CMYA5: variants seen among roughly 807,000 people sequenced by gnomAD.
The protein encoded by CMYA5 is cardiomyopathy-associated protein 5.
A neutral mutation model predicts 318.9 loss-of-function variants in CMYA5; 246 were observed. That is an observed-to-expected ratio of 0.77 (90% CI 0.70 to 0.86). The LOEUF is 0.86. CMYA5 is among the 40% of genes least tolerant of loss of function. The pLI is 0.00. For missense variants in CMYA5, 4,589 were observed against 4,678.2 expected, an observed-to-expected ratio of 0.98 and a Z score of 0.56; for synonymous variants, 1,641 against 1,729.5, an observed-to-expected ratio of 0.95 and a Z score of 1.27.
At chr5:79,695,408 G>A (rs1827048509) in intron 1 of CMYA5, among the ~76,000 whole-genome samples, 1 of 152,226 alleles carries the variant, frequency 6.6e-6, no homozygotes, top group East Asian at 1.9e-4. Context: ...TGTAATCAGT[G>A]TAAAACTTAT....
chr5:79,733,919 C>T lies in CMYA5; in HGVS notation c.5154C>T (p.Pro1718=). 6.2e-7 allele frequency: 1 copy of T among 1,613,134 alleles called. No individual in the cohort carries two copies. The highest frequency in any genetic ancestry group is 1.3e-5 in the African/African-American group (1 of 74,972). ...SQNEEIKPFS[P]KIISLESKEP... is the part of the protein sequence containing the mutation. ...ATGAAGAAATTAAACCTTTCTCTCC[C>T]AAGATCATCAGCCTAGAGTCGAAAG... The change falls in exon 2 of 13, where the codon CCC becomes CCT. Residue 1718 remains proline, a synonymous_variant. Coordinates refer to ENST00000446378, the MANE Select transcript of CMYA5 (RefSeq NM_153610.5).
At chr5:79,725,599 CT>C (rs1371852027) in intron 1 of CMYA5, among the ~76,000 whole-genome samples, 1 of 152,138 alleles carries the variant, frequency 6.6e-6, no homozygotes, top group African/African-American at 2.4e-5. Flanking sequence ...CATGTTCCCC[CT>C]GGATCTAAAA....
chr5:79,732,178 G>T lies in CMYA5; in HGVS notation c.3413G>T (p.Gly1138Val). ...PSHLTSEVEKGEREASSSVAA... is the reference protein window; with the variant it reads ...PSHLTSEVEKVEREASSSVAA... ...CATTTAACCAGTGAAGTGGAGAAGG[G>T]AGAAAGGGAGGCAAGTTCATCAGTA... The change falls in exon 2 of 13, where the codon GGA (glycine) becomes GTA (valine). Residue 1138 changes from glycine (G) to valine (V), a missense_variant. By Grantham distance (109) the Gly-to-Val change is moderately radical. Coordinates refer to ENST00000446378, the MANE Select transcript of CMYA5 (RefSeq NM_153610.5). 5 of 1,613,930 alleles carry T rather than the reference G, an allele frequency of 3.1e-6. No homozygotes were observed. Among genetic ancestry groups the T allele is most frequent in the Non-Finnish European group, 4.2e-6 (5 of 1,179,868 alleles).
chr5:79,713,769 T>C (rs1240627294), intron 1 of CMYA5, among the ~76,000 whole-genome samples: 2 of 152,194 alleles, frequency 1.3e-5, no homozygotes, highest in Non-Finnish European at 2.9e-5. Context: ...ACTACGTAGA[T>C]ACTTCCTACT....
Position 79,731,611 on chromosome 5 carries a change from C to G in CMYA5, c.2846C>G (p.Ser949Cys), listed in dbSNP as rs1304317694. ...GACATTGGACCTTTTTCTCCAGATT[C>G]TGCATTTGTGTCAGAATTCTCATTT... ...QEDIGPFSPDSAFVSEFSFPP... is the reference protein window; with the variant it reads ...QEDIGPFSPDCAFVSEFSFPP... The change falls in exon 2 of 13, where the codon TCT becomes TGT. Residue 949 changes from serine to cysteine, a missense_variant. Coordinates refer to ENST00000446378, the MANE Select transcript of CMYA5 (RefSeq NM_153610.5). 1 of 1,613,668 alleles carries G rather than the reference C, an allele frequency of 6.2e-7. No individual in the cohort carries two copies.
chr5:79,732,605 A>AC lies in CMYA5; in HGVS notation c.3842dup (p.Tyr1282IlefsTer13), dbSNP rs1263992128. On this transcript the variant is annotated frameshift_variant, in exon 2 of 13. Coordinates refer to ENST00000446378, the MANE Select transcript of CMYA5 (RefSeq NM_153610.5). LOFTEE classifies it high-confidence loss of function. The stretch of plus-strand genomic sequence containing the variant: ...CCAAGAATGAGCCTGAAGTAATAAA[A>AC]CCATATTCACCTCTAAAGGAAACAT... 2 of 1,613,236 alleles carry AC rather than the reference A, an allele frequency of 1.2e-6. No individual in the cohort carries two copies. The highest frequency in any genetic ancestry group is 1.7e-6 in the Non-Finnish European group (2 of 1,179,598).
At chr5:79,709,908 C>T (rs1344226758) in intron 1 of CMYA5, among the ~76,000 whole-genome samples, 7 of 123,796 alleles carry the variant, frequency 5.7e-5, no homozygotes, top group Non-Finnish European at 1.1e-4. Context: ...CTGCAGTGAG[C>T]CAAGATTATG....
chr5:79,745,318 G>A lies in CMYA5; in HGVS notation c.10831G>A (p.Glu3611Lys). Residue 3611 changes from glutamate (E) to lysine (K), a missense_variant, in exon 4 of 13, where the codon GAG becomes AAG. Coordinates refer to ENST00000446378, the MANE Select transcript of CMYA5 (RefSeq NM_153610.5). Reference protein sequence around the residue: ...AQYDEKAQSFEEVKKKKMEFL... With the variant: ...AQYDEKAQSFKEVKKKKMEFL... Reference sequence around the variant, plus strand: ...GTATGATGAGAAAGCCCAGAGCTTTGAGGAAGTGAAGAAGAAGAAGATGGA... The same window carrying A: ...GTATGATGAGAAAGCCCAGAGCTTTAAGGAAGTGAAGAAGAAGAAGATGGA... 4.3e-6 allele frequency: 7 copies of A among 1,613,834 alleles called. No individual in the cohort carries two copies. The highest frequency in any genetic ancestry group is 5.9e-6 in the Non-Finnish European group (7 of 1,179,788).
At position 79,767,668 on chromosome 5, in the gene CMYA5, CTGTT is replaced by C. The variant is rs550749992; in HGVS notation, c.11555+4464_11555+4467del. On this transcript the variant is annotated intron_variant, in intron 9 of 12. Coordinates refer to ENST00000446378, the MANE Select transcript of CMYA5 (RefSeq NM_153610.5). Reference sequence around the variant, plus strand: ...TTTGAATGCACTGTGGTCTGAGAGACTGTTTGTTATGATTTCCATTCTTTTATAT... The same window carrying C: ...TTTGAATGCACTGTGGTCTGAGAGACTGTTATGATTTCCATTCTTTTATAT... Among the ~76,000 whole-genome samples the C allele has an allele frequency of 2.1e-3, 324 of 152,280 alleles. 4 individuals are homozygous for C. The highest frequency in any genetic ancestry group is 7.3e-3 in the African/African-American group (302 of 41,552).
Position 79,730,284 on chromosome 5 carries a change from G to C in CMYA5, c.1519G>C (p.Glu507Gln), listed in dbSNP as rs960488463. The part of the protein sequence containing the change: ...EPLMLEEPEK[E>Q]EIETSLPIAI... ...TCTAATGTTAGAAGAACCAGAGAAA[G>C]AAGAAATAGAAACTTCCCTACCCAT... The change falls in exon 2 of 13, where the codon GAA (glutamate) becomes CAA (glutamine). Residue 507 changes from glutamate (E) to glutamine (Q), a missense_variant. This residue lies in a region of CMYA5 where 2,132 missense variants were observed against 2,131.3 expected (regional missense o/e 1.00). Transcript: ENST00000446378. 1 of 1,613,664 alleles carries C rather than the reference G, an allele frequency of 6.2e-7. No homozygotes were observed. The highest frequency in any genetic ancestry group is 1.3e-5 in the African/African-American group (1 of 74,894).
At chr5:79,777,583 C>T (rs1352995357) in intron 9 of CMYA5, among the ~76,000 whole-genome samples, 2 of 151,292 alleles carry the variant, frequency 1.3e-5, no homozygotes, top group African/African-American at 4.9e-5. Flanking sequence ...ACCAGCCTGG[C>T]CAACGTGGTG....
intron 1 of CMYA5, among the ~76,000 whole-genome samples, chr5:79,695,548 T>G (rs981603577): frequency 2.0e-5 from 3 of 152,224 alleles, no homozygotes; most frequent in Non-Finnish European, 2.9e-5. Flanking sequence ...GCTATCATAC[T>G]GAACAATGCA....
intron 1 of CMYA5, among the ~76,000 whole-genome samples, chr5:79,725,470 G>A (rs909104515): frequency 2.6e-5 from 4 of 152,184 alleles, no homozygotes; most frequent in Admixed American, 6.5e-5. Flanking sequence ...CAAAAGTGGG[G>A]AGGAGGGAGG....
chr5:79,708,919 G>A (rs1827326282), intron 1 of CMYA5, among the ~76,000 whole-genome samples: 1 of 152,126 alleles, frequency 6.6e-6, no homozygotes, highest in African/African-American at 2.4e-5. Flanking sequence ...GTCACTCTGG[G>A]TGACAGAGCA....
chr5:79,742,075 TTC>T (rs1828221307), intron 2 of CMYA5, among the ~76,000 whole-genome samples: 1 of 44,934 alleles, frequency 2.2e-5, no homozygotes, highest in Non-Finnish European at 3.7e-5. Flanking sequence ...CTTCTTCTTC[TTC>T]TTCTTCTTCT....
At chr5:79,707,644 C>T (rs1011177045) in intron 1 of CMYA5, among the ~76,000 whole-genome samples, 2 of 152,160 alleles carry the variant, frequency 1.3e-5, no homozygotes, top group African/African-American at 4.8e-5. Flanking sequence ...TTTCATTTGT[C>T]ATTTGCCTAG....
intron 9 of CMYA5, among the ~76,000 whole-genome samples, chr5:79,777,414 CTTGCTTAAAA>C (rs1209934931): frequency 2.6e-5 from 4 of 152,188 alleles, no homozygotes; most frequent in East Asian, 3.9e-4. Context: ...CTTTGCTTTC[CTTGCTTAAAA>C]ATATTCCTTG....
Position 79,737,581 on chromosome 5 carries a change from A to G in CMYA5, c.8816A>G (p.Asp2939Gly). ...VTSKPAGLSE[D>G]QKTAFSIISE... ...AGTAAGCCAGCCGGACTTTCAGAAG[A>G]TCAGAAGACTGCCTTTAGTATCATT... Residue 2939 changes from aspartate (D) to glycine (G), a missense_variant, in exon 2 of 13, where the codon GAT (aspartate) becomes GGT (glycine). Asp to Gly is a moderately conservative substitution (Grantham distance 94, BLOSUM62 -1). Transcript: ENST00000446378. 2.5e-6 allele frequency: 4 copies of G among 1,613,752 alleles called. No individual in the cohort carries two copies. The highest frequency in any genetic ancestry group is 3.4e-6 in the Non-Finnish European group (4 of 1,179,810).
rs1212563361 is a variant in CMYA5 at position 79,737,391 on chromosome 5, G to A, written c.8626G>A (p.Ala2876Thr). 6.2e-7 allele frequency: 1 copy of A among 1,613,892 alleles called. No homozygotes were observed. Residue 2876 changes from alanine (A) to threonine (T), a missense_variant, in exon 2 of 13, where the codon GCG (alanine) becomes ACG (threonine). Ala to Thr is a moderately conservative substitution (Grantham distance 58, BLOSUM62 0). This residue lies in a region of CMYA5 where 2,431 missense variants were observed against 2,495.1 expected (regional missense o/e 0.97). Coordinates refer to ENST00000446378, the MANE Select transcript of CMYA5 (RefSeq NM_153610.5). ...VLVSKHHLEA[A>T]EDTRVKEPLS... The stretch of plus-strand genomic sequence containing the variant: ...TGTTTCAAAGCACCACTTGGAGGCT[G>A]CGGAAGATACCCGTGTAAAGGAACC...
Sources: allele counts gnomAD v4.1 joint callset (sites outside exome capture counted in the v4.1 genomes callset), GRCh38; gene constraint gnomAD v4.1.1; regional missense constraint gnomAD v4.1.1; transcripts MANE v1.5; gene names NCBI Gene and HGNC (gene_info 2026-07-23, HGNC 2026-07-21).